The following PLEKHH2 variants were observed in gnomAD, a reference collection of about 807,000 sequenced individuals.
PLEKHH2 encodes the protein pleckstrin homology, MyTH4 and FERM domain containing H2.
In PLEKHH2, 129 loss-of-function variants were observed where a neutral mutation model predicts 187.9. That is an observed-to-expected ratio of 0.69 (90% CI 0.59 to 0.79). The LOEUF (loss-of-function observed/expected upper bound fraction) is 0.79, where lower values mean the gene tolerates loss of function less well. Among genes scored for constraint, PLEKHH2 ranks in the 30% least tolerant of loss-of-function variants. The pLI, the probability that PLEKHH2 is intolerant of heterozygous loss-of-function variation, is 0.00. For synonymous variants in PLEKHH2, 686 were observed against 605.6 expected (o/e 1.13, Z -1.95); for missense variants, 2,076 against 1,751.2 (o/e 1.19, Z -3.31).
intron 3 of PLEKHH2, among the ~76,000 whole-genome samples, chr2:43,687,469 TC>T (rs1216188138): frequency 7.2e-5 from 11 of 152,194 alleles, no homozygotes; most frequent in African/African-American, 2.7e-4. Context: ...AGTGCATGTG[TC>T]TTTTTGGTAG....
chr2:43,656,812 G>A (rs1288675878), intron 2 of PLEKHH2, among the ~76,000 whole-genome samples: 10 of 152,208 alleles, frequency 6.6e-5, no homozygotes, highest in Admixed American at 6.5e-4. Flanking sequence ...GAAGCTAGGA[G>A]TTTGAGACCA....
intron 17 of PLEKHH2, among the ~76,000 whole-genome samples, chr2:43,728,623 G>A (rs1346155062): frequency 2.7e-5 from 4 of 146,394 alleles, no homozygotes; most frequent in African/African-American, 5.1e-5. Context: ...GTGCAGTGGC[G>A]TGATCTCGGC....
At chr2:43,711,536 T>C in intron 14 of PLEKHH2, 1 of 956,108 alleles carries the variant, frequency 1.0e-6, no homozygotes, top group Non-Finnish European at 1.2e-6. Flanking sequence ...AAACCTCTTC[T>C]TTAGTTGCTA....
chr2:43,703,370 A>G (rs1669484515), intron 8 of PLEKHH2, among the ~76,000 whole-genome samples: 1 of 152,212 alleles, frequency 6.6e-6, no homozygotes, highest in African/African-American at 2.4e-5. Flanking sequence ...AAGATAATAT[A>G]AATTCCATTG....
chr2:43,670,988 A>C (rs1414316461), intron 2 of PLEKHH2, among the ~76,000 whole-genome samples: 1 of 148,212 alleles, frequency 6.7e-6, no homozygotes, highest in Non-Finnish European at 1.5e-5. Context: ...TTTTTTTTTA[A>C]CTTTTTTTTT....
At chr2:43,740,484 G>A (rs1014517519) in intron 20 of PLEKHH2, among the ~76,000 whole-genome samples, 4 of 152,112 alleles carry the variant, frequency 2.6e-5, no homozygotes, top group South Asian at 4.1e-4. Flanking sequence ...GATAACCTCT[G>A]TTAATATTTT....
chr2:43,697,503 A>G (rs1340485983), intron 7 of PLEKHH2, 147 bp downstream of exon 7: 14 of 655,348 alleles, frequency 2.1e-5, no homozygotes, highest in South Asian at 1.8e-4. Context: ...GCAATACAAC[A>G]TTTAACTTTG....
intron 20 of PLEKHH2, chr2:43,740,705 T>C: frequency 2.2e-6 from 1 of 449,600 alleles, no homozygotes; most frequent in Non-Finnish European, 3.3e-6. Context: ...CCTTGTCTGC[T>C]TGTGCCTTGG....
Position 43,646,236 on chromosome 2 carries a change from C to T in PLEKHH2, c.123+1440C>T, listed in dbSNP as rs115557238. On this transcript the variant is annotated intron_variant, in intron 2 of 29. Transcript: ENST00000282406. ...TCCAAGTTGGAGAAGTTTTTTCTAA[C>T]GTAACTTAGTGACTCATCTTTTATC... is the stretch of plus-strand genomic sequence containing the variant. Among the ~76,000 whole-genome samples the T allele has an allele frequency of 4.7e-3, 716 of 152,094 alleles. 4 individuals are homozygous for T. Among genetic ancestry groups the T allele is most frequent in the African/African-American group, 0.016 (675 of 41,516 alleles).
chr2:43,705,674 T>G (rs1384439939), intron 9 of PLEKHH2, among the ~76,000 whole-genome samples: 1 of 152,188 alleles, frequency 6.6e-6, no homozygotes, highest in Non-Finnish European at 1.5e-5. Context: ...CAGGCTGTAG[T>G]GCAGTGGCAT....
chr2:43,748,631 G>A (rs967022140), intron 24 of PLEKHH2, among the ~76,000 whole-genome samples: 1 of 152,228 alleles, frequency 6.6e-6, no homozygotes, highest in Non-Finnish European at 1.5e-5. Flanking sequence ...TACACGTGCT[G>A]GGTTTTGAGA....
chr2:43,640,557 C>T (rs1391764744), intron 1 of PLEKHH2, among the ~76,000 whole-genome samples: 5 of 152,104 alleles, frequency 3.3e-5, no homozygotes, highest in African/African-American at 7.2e-5. Context: ...TACATTCCCA[C>T]CAACAATGTA....
rs572029397 is a variant in PLEKHH2 at position 43,743,936 on chromosome 2, A to G, written c.3502A>G (p.Thr1168Ala). Residue 1168 changes from threonine to alanine, a missense_variant, in exon 23 of 30, where the codon ACT becomes GCT. Physicochemically the swap from Thr to Ala is moderately conservative, Grantham distance 58. Coordinates refer to ENST00000282406, the MANE Select transcript of PLEKHH2 (RefSeq NM_172069.4). ...KPAQSGFALF[T>A]DDPSGRDLEH... is the part of the protein sequence containing the mutation. ...AGCGCAGTCTGGATTTGCGTTGTTCACTGACGATCCTTCTGGCAGAGATTT... is the reference window on the plus strand; with the variant it reads ...AGCGCAGTCTGGATTTGCGTTGTTCGCTGACGATCCTTCTGGCAGAGATTT... The G allele has an allele frequency of 1.9e-6, 3 of 1,614,156 alleles. No homozygotes were observed. Among genetic ancestry groups the G allele is most frequent in the South Asian group, 2.2e-5 (2 of 91,074 alleles).
chr2:43,696,114 A>G (rs1162784850), intron 6 of PLEKHH2, among the ~76,000 whole-genome samples: 1 of 152,116 alleles, frequency 6.6e-6, no homozygotes, highest in African/African-American at 2.4e-5. Flanking sequence ...AAACTCAAGA[A>G]TATCAGTGGT....
chr2:43,722,420 G>A (rs1032467263), intron 16 of PLEKHH2, among the ~76,000 whole-genome samples: 1 of 152,132 alleles, frequency 6.6e-6, no homozygotes, highest in African/African-American at 2.4e-5. Context: ...CTGGCCAAAG[G>A]ACTGAAGGCA....
At chr2:43,639,165 A>G (rs1703253267) in intron 1 of PLEKHH2, among the ~76,000 whole-genome samples, 1 of 152,220 alleles carries the variant, frequency 6.6e-6, no homozygotes, top group South Asian at 2.1e-4. Context: ...ACCACAAATA[A>G]TGGTTGATTA....
chr2:43,710,694 G>A (rs766503783), intron 14 of PLEKHH2, 119 bp downstream of exon 14: 1 of 1,466,324 alleles, frequency 6.8e-7, no homozygotes, highest in East Asian at 2.5e-5. Flanking sequence ...ACTTTGGGGG[G>A]TTAGTTTGAT....
intron 1 of PLEKHH2, among the ~76,000 whole-genome samples, chr2:43,640,343 C>T (rs182820216): frequency 2.0e-4 from 31 of 151,990 alleles, no homozygotes; most frequent in East Asian, 1.4e-3. Flanking sequence ...GTAAGCTCCC[C>T]GACGCTTAGC....
chr2:43,764,638 G>C (rs1199477156), intron 29 of PLEKHH2, among the ~76,000 whole-genome samples: 1 of 152,098 alleles, frequency 6.6e-6, no homozygotes, highest in Non-Finnish European at 1.5e-5. Context: ...AGTTTGTAGG[G>C]TACTTAGCCC....
Sources: allele counts gnomAD v4.1 joint callset (sites outside exome capture counted in the v4.1 genomes callset), GRCh38; gene constraint gnomAD v4.1.1; transcripts MANE v1.5; gene names NCBI Gene and HGNC (gene_info 2026-07-23, HGNC 2026-07-21).